The following AP1M1 variants were observed in gnomAD, a reference collection of about 807,000 sequenced individuals.
AP1M1 encodes AP-1 complex subunit mu-1.
In AP1M1, 18 loss-of-function variants were observed where a neutral mutation model predicts 57.1. That is an observed-to-expected ratio of 0.32 (90% CI 0.22 to 0.47). The LOEUF is 0.47. AP1M1 is among the 20% of genes least tolerant of loss of function. The pLI, the probability that AP1M1 is intolerant of heterozygous loss-of-function variation, is 1.00. For missense variants in AP1M1, 362 were observed against 593.5 expected (o/e 0.61, Z 4.05); for synonymous variants, 241 against 237.9 (o/e 1.01, Z -0.12).
Position 16,233,364 on chromosome 19 carries a change from C to T in AP1M1, c.1048-129C>T, listed in dbSNP as rs1218393188. The T allele has an allele frequency of 9.0e-6, 12 of 1,330,880 alleles. No individual in the cohort carries two copies. In the South Asian group the frequency reaches 1.6e-4, roughly 18 times the overall value. 82.4% of individuals were successfully genotyped at this position (1,330,880 alleles called of 1,614,324 possible). ...AGGGCCGAGCTTTGGCTCCCCAGCA[C>T]AGGGGCTCATGCTCCCCTCCCTGGA... On this transcript the variant is annotated intron_variant, in intron 9 of 11. Coordinates refer to ENST00000291439, the MANE Select transcript of AP1M1 (RefSeq NM_032493.4).
Position 16,207,524 on chromosome 19 carries a change from C to T in AP1M1, c.268-495C>T, listed in dbSNP as rs992713995. On this transcript the variant is annotated intron_variant, in intron 3 of 11. Coordinates refer to ENST00000291439, the MANE Select transcript of AP1M1 (RefSeq NM_032493.4). This position sits in a 1 kb window ranked among gnomAD's most constrained non-coding sequence, Gnocchi z 4.2. ...GGGCTGTGCCTTTCTGTTTTAGTGACGCTCCTTCCTTCAGCATTTGTGCCT... is the reference window on the plus strand; with the variant it reads ...GGGCTGTGCCTTTCTGTTTTAGTGATGCTCCTTCCTTCAGCATTTGTGCCT... 2.6e-5 allele frequency among the ~76,000 whole-genome samples: 4 copies of T among 152,292 alleles called. No homozygotes were observed. Among genetic ancestry groups the T allele is most frequent in the South Asian group, 4.1e-4 (2 of 4,828 alleles).
chr19:16,226,279 C>A, intron 5 of AP1M1, 142 bp from the exon 6 acceptor site: 1 of 1,245,566 alleles, frequency 8.0e-7, no homozygotes, highest in Non-Finnish European at 1.1e-6. Flanking sequence ...ACTCTCCCAG[C>A]TCAGGGGATG....
intron 9 of AP1M1, among the ~76,000 whole-genome samples, chr19:16,229,765 T>C (rs2091588066): frequency 6.6e-6 from 1 of 152,230 alleles, no homozygotes; most frequent in Non-Finnish European, 1.5e-5. Context: ...CACCACCTAA[T>C]ACTCCCGTCA....
rs2091649919 is a variant in AP1M1 at position 16,242,778 on chromosome 19, G to A, written c.*8343G>A. On this transcript the variant is annotated 3_prime_UTR_variant, in exon 12 of 12. Coordinates refer to ENST00000291439, the MANE Select transcript of AP1M1 (RefSeq NM_032493.4). ...TTCATTCATTTAATTTTTTGAGATGGAGTCTCGCTCTGTCGCCCAGGCTGG... is the reference window on the plus strand; with the variant it reads ...TTCATTCATTTAATTTTTTGAGATGAAGTCTCGCTCTGTCGCCCAGGCTGG... 6.6e-6 allele frequency: 1 copy of A among 152,138 alleles called. No individual in the cohort carries two copies. The highest frequency in any genetic ancestry group is 2.4e-5 in the African/African-American group (1 of 41,426). The allele number at this position is 152,138 out of a possible 1,614,324, so 9.4% of individuals were successfully genotyped here.
intron 1 of AP1M1, among the ~76,000 whole-genome samples, chr19:16,200,612 A>C (rs1305505399): frequency 6.6e-6 from 1 of 152,146 alleles, no homozygotes; most frequent in Non-Finnish European, 1.5e-5. Flanking sequence ...ACTGCATTTA[A>C]TCAACAATAA....
At chr19:16,220,356 C>T (rs529164970) in intron 5 of AP1M1, among the ~76,000 whole-genome samples, 4 of 152,028 alleles carry the variant, frequency 2.6e-5, no homozygotes, top group Admixed American at 6.6e-5. Flanking sequence ...GGACTGCAGC[C>T]GTGTGCCACC....
chr19:16,207,174 G>A lies in AP1M1; in HGVS notation c.267+766G>A, dbSNP rs922873658. 6.6e-6 allele frequency among the ~76,000 whole-genome samples: 1 copy of A among 152,126 alleles called. No individual in the cohort carries two copies. The highest frequency in any genetic ancestry group is 2.4e-5 in the African/African-American group (1 of 41,412). On this transcript the variant is annotated intron_variant, in intron 3 of 11. Coordinates refer to ENST00000291439, the MANE Select transcript of AP1M1 (RefSeq NM_032493.4). The surrounding 1 kb of genome is among the most constrained non-coding windows in gnomAD (Gnocchi z 4.2). ...GTGGGCTGTGGGGCTCACGAAAGTG[G>A]GGAACAGGACCCAGGAGGCCTGTGC...
chr19:16,199,651 A>G (rs906386366), intron 1 of AP1M1, among the ~76,000 whole-genome samples: 4 of 152,120 alleles, frequency 2.6e-5, no homozygotes, highest in African/African-American at 9.7e-5. Context: ...CTGCTCTGGA[A>G]GCCACCCAAA....
intron 5 of AP1M1, among the ~76,000 whole-genome samples, chr19:16,216,410 C>A (rs1036625652): frequency 5.9e-5 from 9 of 151,662 alleles, no homozygotes; most frequent in Non-Finnish European, 7.4e-5. Flanking sequence ...GCACCACTGC[C>A]CTCCAGCCTG....
chr19:16,207,916 A>G lies in AP1M1; in HGVS notation c.268-103A>G. 2 of 1,428,994 alleles carry G rather than the reference A, an allele frequency of 1.4e-6. No individual in the cohort carries two copies. The highest frequency in any genetic ancestry group is 1.3e-5 in the South Asian group (1 of 76,060). The allele number at this position is 1,428,994 out of a possible 1,614,324, so 88.5% of individuals were successfully genotyped here. ...CGAGCCTGGGAAGTAGGCTGTTGGT[A>G]GGACTTAGCGGGCAAATGAATGTGT... On this transcript the variant is annotated intron_variant, in intron 3 of 11. Transcript: ENST00000291439. The surrounding 1 kb of genome is among the most constrained non-coding windows in gnomAD (Gnocchi z 4.2).
In AP1M1 at chr19:16,240,135, T is replaced by C. The variant is rs1195432976; in HGVS notation, c.*5700T>C. On this transcript the variant is annotated 3_prime_UTR_variant, in exon 12 of 12. Transcript: ENST00000291439. ...TGATTTAAAGATGATGTGCATAGGA[T>C]ATATGCAAATATTGTGCCATTTTAT... 1 of 152,190 alleles carries C rather than the reference T, an allele frequency of 6.6e-6. No homozygotes were observed. Among genetic ancestry groups the C allele is most frequent in the African/African-American group, 2.4e-5 (1 of 41,460 alleles). 9.4% of individuals were successfully genotyped at this position (152,190 alleles called of 1,614,324 possible). A position where few individuals can be genotyped will look rare whatever the true frequency, so the allele number is the denominator to read the frequency against.
chr19:16,208,211 C>T (rs772419286), intron 4 of AP1M1, 62 bp downstream of exon 4: 10 of 1,530,056 alleles, frequency 6.5e-6, no homozygotes, highest in Admixed American at 2.1e-5. Context: ...TCGACGTCAT[C>T]AGGTGTGGAA....
chr19:16,205,935 G>T (rs1368806595), intron 2 of AP1M1, among the ~76,000 whole-genome samples: 1 of 152,160 alleles, frequency 6.6e-6, no homozygotes, highest in Non-Finnish European at 1.5e-5. Flanking sequence ...GAGTCTGGCC[G>T]GGGGACCCTG....
chr19:16,233,693 T>A (rs1298392059), intron 10 of AP1M1, 75 bp downstream of exon 10: 8 of 1,512,674 alleles, frequency 5.3e-6, no homozygotes, highest in Non-Finnish European at 7.1e-6. Context: ...TGCAGCCAGC[T>A]TGGGAAAGGG....
chr19:16,227,340 C>A lies in AP1M1; in HGVS notation c.674-208C>A, dbSNP rs2054010276. On this transcript the variant is annotated intron_variant, in intron 6 of 11. Transcript: ENST00000291439. This position sits in a 1 kb window ranked among gnomAD's most constrained non-coding sequence, Gnocchi z 6.2. ...GGGACTCAGCATGAACCAGACCCAC[C>A]AGCCCTGCCCCTGGGGACCCCAGGG... Among the ~76,000 whole-genome samples the A allele has an allele frequency of 6.6e-6, 1 of 152,008 alleles. No homozygotes were observed. Among genetic ancestry groups the A allele is most frequent in the African/African-American group, 2.4e-5 (1 of 41,398 alleles).
intron 5 of AP1M1, among the ~76,000 whole-genome samples, chr19:16,211,533 G>A (rs1304385959): frequency 3.3e-5 from 5 of 152,018 alleles, no homozygotes; most frequent in African/African-American, 9.7e-5. Context: ...ATTATTTTAG[G>A]TATGTTCCTT....
chr19:16,234,800 G>A lies in AP1M1; in HGVS notation c.*365G>A, dbSNP rs537449863. ...GCCAGCTGCAGGTGGCATCTGCCAC[G>A]AAGGAAGCGCCAGCCTCGCCAGGCC... is the stretch of plus-strand genomic sequence containing the variant. On this transcript the variant is annotated 3_prime_UTR_variant, in exon 12 of 12. Coordinates refer to ENST00000291439, the MANE Select transcript of AP1M1 (RefSeq NM_032493.4). 27 of 403,976 alleles carry A rather than the reference G, an allele frequency of 6.7e-5. No homozygotes were observed. Among genetic ancestry groups the A allele is most frequent in the South Asian group, 4.2e-4 (11 of 26,068 alleles). 25.0% of individuals were successfully genotyped at this position (403,976 alleles called of 1,614,324 possible). A position where few individuals can be genotyped will look rare whatever the true frequency, so the allele number is the denominator to read the frequency against.
Position 16,208,027 on chromosome 19 carries a change from C to T in AP1M1, c.276C>T (p.Ser92=), listed in dbSNP as rs374109492. Reference sequence around the variant, plus strand: ...CTCCCCAACCGCCACAGGTGTTTTCCGAGTACTTCAAGGAGCTGGAGGAGG... The same window carrying T: ...CTCCCCAACCGCCACAGGTGTTTTCTGAGTACTTCAAGGAGCTGGAGGAGG... The part of the protein sequence containing the change: ...SFLYKVVQVF[S]EYFKELEEES... The change falls in exon 4 of 12, where the codon TCC becomes TCT. Residue 92 remains serine, a synonymous_variant. Coordinates refer to ENST00000291439, the MANE Select transcript of AP1M1 (RefSeq NM_032493.4). The T allele has an allele frequency of 1.2e-6, 2 of 1,612,554 alleles. No individual in the cohort carries two copies. The highest frequency in any genetic ancestry group is 8.5e-7 in the Non-Finnish European group (1 of 1,179,212).
At position 16,239,938 on chromosome 19, in the gene AP1M1, ACATCCATGGGTTCTG is replaced by A. The variant is rs1443979112; in HGVS notation, c.*5513_*5527del. The A allele has an allele frequency of 6.6e-6, 1 of 152,218 alleles. No individual in the cohort carries two copies. Among genetic ancestry groups the A allele is most frequent in the African/African-American group, 2.4e-5 (1 of 41,448 alleles). 9.4% of individuals were successfully genotyped at this position (152,218 alleles called of 1,614,324 possible). Reference sequence around the variant, plus strand: ...TATATATATTTACAGTCAACCCTCCACATCCATGGGTTCTGCATCCATGGATTCAACCAAGAGTGA... The same window carrying A: ...TATATATATTTACAGTCAACCCTCCACATCCATGGATTCAACCAAGAGTGA... On this transcript the variant is annotated 3_prime_UTR_variant, in exon 12 of 12. Coordinates refer to ENST00000291439, the MANE Select transcript of AP1M1 (RefSeq NM_032493.4).
Sources: gnomAD v4.1 joint callset for allele counts (sites outside exome capture counted in the v4.1 genomes callset) on GRCh38, gnomAD v4.1.1 for gene constraint, Gnocchi (gnomAD v3.1) non-coding constraint, MANE v1.5 for transcripts, NCBI Gene and HGNC (gene_info 2026-07-23, HGNC 2026-07-21) for gene names.